Variants in SEMA3A observed in about 807,000 individuals in gnomAD.
The protein encoded by SEMA3A is semaphorin-3A.
SEMA3A carries 29 observed loss-of-function variants against 97.9 expected under a neutral mutation model. That is an observed-to-expected ratio of 0.30 (90% CI 0.22 to 0.40). The LOEUF is 0.40. SEMA3A is among the 10% of genes least tolerant of loss of function. The pLI, the probability that SEMA3A is intolerant of heterozygous loss-of-function variation, is 1.00. For missense variants in SEMA3A, 763 were observed against 951.3 expected, an observed-to-expected ratio of 0.80 and a Z score of 2.60; for synonymous variants, 321 against 323.7, an observed-to-expected ratio of 0.99 and a Z score of 0.09.
At chr7:84,004,946 A>C (rs1222953182) in intron 11 of SEMA3A, among the ~76,000 whole-genome samples, 1 of 152,152 alleles carries the variant, frequency 6.6e-6, no homozygotes, top group Non-Finnish European at 1.5e-5. Flanking sequence ...TTGGGAGAGC[A>C]ATGTCAACTC....
chr7:84,215,186 T>C (rs1040029881), intron 3 of SEMA3A, among the ~76,000 whole-genome samples: 2 of 151,552 alleles, frequency 1.3e-5, no homozygotes, highest in Non-Finnish European at 2.9e-5. Context: ...TTTATTTATT[T>C]ATTTATTTAT....
chr7:84,105,235 G>C (rs1213959057), intron 4 of SEMA3A, among the ~76,000 whole-genome samples: 1 of 152,082 alleles, frequency 6.6e-6, no homozygotes, highest in Non-Finnish European at 1.5e-5. Flanking sequence ...GGACTAAATA[G>C]TATAATAAAT....
In SEMA3A at chr7:84,089,442, G is replaced by A. The variant is rs184568339; in HGVS notation, c.453+21028C>T. Reference sequence around the variant, plus strand: ...TATGAATAAATACCATATGGTAAATGTTATTTCATAGATAAAAAACAAGGA... The same window carrying A: ...TATGAATAAATACCATATGGTAAATATTATTTCATAGATAAAAAACAAGGA... On this transcript the variant is annotated intron_variant, in intron 4 of 16. Coordinates refer to ENST00000265362, the MANE Select transcript of SEMA3A (RefSeq NM_006080.3). Among the ~76,000 whole-genome samples the A allele has an allele frequency of 7.7e-3, 1,164 of 152,106 alleles. 11 individuals carry two copies. Among genetic ancestry groups the A allele is most frequent in the African/African-American group, 0.027 (1,103 of 41,496 alleles).
intron 1 of SEMA3A, among the ~76,000 whole-genome samples, chr7:84,474,374 G>A (rs2116417157): frequency 6.6e-6 from 1 of 152,290 alleles, no homozygotes; most frequent in South Asian, 2.1e-4. Context: ...ATTACTGTAT[G>A]AGAAATTCTG....
intron 1 of SEMA3A, among the ~76,000 whole-genome samples, chr7:84,138,739 T>C (rs532064643): frequency 6.6e-6 from 1 of 152,242 alleles, no homozygotes; most frequent in African/African-American, 2.4e-5. Flanking sequence ...GATGTTCTTC[T>C]CCAACACGAG....
intron 6 of SEMA3A, among the ~76,000 whole-genome samples, chr7:84,018,721 C>T (rs1791200125): frequency 6.6e-6 from 1 of 151,956 alleles, no homozygotes; most frequent in Non-Finnish European, 1.5e-5. Context: ...AGAGAGTAGT[C>T]AAGAAGAAGG....
intron 4 of SEMA3A, among the ~76,000 whole-genome samples, chr7:84,068,759 T>C (rs1164639610): frequency 6.6e-6 from 1 of 152,056 alleles, no homozygotes; most frequent in Non-Finnish European, 1.5e-5. Flanking sequence ...TGCTTCCAAT[T>C]TCATGCAGTA....
intron 1 of SEMA3A, among the ~76,000 whole-genome samples, chr7:84,393,898 T>C (rs1803656722): frequency 6.6e-6 from 1 of 152,136 alleles, no homozygotes; most frequent in Non-Finnish European, 1.5e-5. Context: ...CCCAAGACAA[T>C]TTACAGAACA....
intron 1 of SEMA3A, among the ~76,000 whole-genome samples, chr7:84,142,930 G>A (rs1375039603): frequency 6.6e-6 from 1 of 152,084 alleles, no homozygotes. Flanking sequence ...TGTGTTTTAA[G>A]TTTGTTGTAA....
chr7:84,332,942 G>T (rs1244360073), intron 2 of SEMA3A, among the ~76,000 whole-genome samples: 1 of 152,016 alleles, frequency 6.6e-6, no homozygotes, highest in Non-Finnish European at 1.5e-5. Context: ...ATAAGAAAGA[G>T]AAATAATGCA....
chr7:84,129,086 C>G, intron 3 of SEMA3A, 37 bp downstream of exon 3: 1 of 1,496,096 alleles, frequency 6.7e-7, no homozygotes, highest in Non-Finnish European at 9.3e-7. Flanking sequence ...ATGAAGGATA[C>G]TCAACCTGTA....
chr7:84,160,382 T>G (rs141022647), intron 1 of SEMA3A, among the ~76,000 whole-genome samples: 1,773 of 151,780 alleles, frequency 0.012, 17 homozygotes, highest in Non-Finnish European at 0.018. Flanking sequence ...AAACCCCGTC[T>G]CTAAAAAAAA....
chr7:84,278,813 A>G (rs368754657), intron 3 of SEMA3A, among the ~76,000 whole-genome samples: 1 of 152,108 alleles, frequency 6.6e-6, no homozygotes, highest in Non-Finnish European at 1.5e-5. Context: ...CCCAGTATAC[A>G]ATCACCTCAC....
intron 6 of SEMA3A, 112 bp from the exon 7 acceptor site, chr7:84,014,463 T>C (rs1038892563): frequency 2.5e-6 from 2 of 808,324 alleles, no homozygotes; most frequent in Non-Finnish European, 3.8e-6. Flanking sequence ...TCAAGAAACG[T>C]ATCTTTCGTT....
At chr7:84,409,067 G>A (rs986576343) in intron 1 of SEMA3A, among the ~76,000 whole-genome samples, 1 of 147,252 alleles carries the variant, frequency 6.8e-6, no homozygotes, top group Non-Finnish European at 1.5e-5. Flanking sequence ...ATATATATAT[G>A]TATATATATA....
rs113131685 is a variant in SEMA3A, at chr7:84,311,709, G to A, written c.-168-4417C>T. 3.3e-5 allele frequency among the ~76,000 whole-genome samples: 5 copies of A among 151,912 alleles called. 1 individual carries two copies. Among genetic ancestry groups the A allele is most frequent in the African/African-American group, 1.2e-4 (5 of 41,490 alleles). ...TTTTAGTTTCTATGAAAAAAGATAT[G>A]CAAATTAAAAACTAAGAAATTTTAA... On this transcript the variant is annotated intron_variant, in intron 2 of 3. Coordinates refer to the SEMA3A transcript ENST00000424555.
Position 84,139,077 on chromosome 7 carries a change from G to A in SEMA3A, c.113-4126C>T, listed in dbSNP as rs144593591. Among the ~76,000 whole-genome samples the A allele has an allele frequency of 9.9e-3, 1,503 of 151,988 alleles. 11 individuals carry two copies. Among genetic ancestry groups the A allele is most frequent in the Admixed American group, 0.016 (241 of 15,258 alleles). ...CTTCAGAATTTTAAGTCTTTCTTTC[G>A]TTTCAGTTATGTATCTTACAATGAC... On this transcript the variant is annotated intron_variant, in intron 1 of 16. Transcript: ENST00000265362.
At position 84,428,533 on chromosome 7, in the gene SEMA3A, A is replaced by G. The variant is rs78507437; in HGVS notation, c.-245-56633T>C. Among the ~76,000 whole-genome samples, 2,039 of 152,090 alleles carry G rather than the reference A, an allele frequency of 0.013. 91 individuals carry two copies. The East Asian group carries it at 0.16, about 12-fold the overall frequency. ...TTGTTCATAAACAAGCTTTTTTTGT[A>G]TATTTTAAAAATTTCTTTGAATATT... On this transcript the variant is annotated intron_variant, in intron 1 of 3. Transcript: ENST00000424555.
At chr7:84,188,170 C>T (rs1016484366) in intron 1 of SEMA3A, among the ~76,000 whole-genome samples, 6 of 152,076 alleles carry the variant, frequency 3.9e-5, no homozygotes, top group Middle Eastern at 3.4e-3. Flanking sequence ...ATGTGTGGTT[C>T]CTTTAAATTT....
Sources: allele counts gnomAD v4.1 joint callset (sites outside exome capture counted in the v4.1 genomes callset), GRCh38; gene constraint gnomAD v4.1.1; transcripts MANE v1.5; gene names NCBI Gene and HGNC (gene_info 2026-07-23, HGNC 2026-07-21).